Variants in LINGO2 observed in about 807,000 individuals in gnomAD.
LINGO2 encodes leucine-rich repeat and immunoglobulin-like domain-containing nogo receptor-interacting protein 2.
Under a neutral mutation model 30.6 loss-of-function variants are expected in LINGO2, and 14 were observed. The ratio of observed to expected loss-of-function variants is 0.46; its 90% CI spans 0.30 to 0.72. LINGO2 has a LOEUF of 0.72. Among genes scored for constraint, LINGO2 ranks in the 30% least tolerant of loss-of-function variants. LINGO2 has a pLI of 0.07. For missense variants in LINGO2, 729 were observed against 751.7 expected, an observed-to-expected ratio of 0.97 and a Z score of 0.35; for synonymous variants, 317 against 288.5, an observed-to-expected ratio of 1.10 and a Z score of -1.00.
At chr9:29,070,002 A>G in the LINGO2 span, among the ~76,000 whole-genome samples, 1 of 152,202 alleles carries the variant, frequency 6.6e-6, no homozygotes, top group Non-Finnish European at 1.5e-5. Flanking sequence ...AAAACCAGTC[A>G]TAGTTTTCAA....
the LINGO2 span, among the ~76,000 whole-genome samples, chr9:29,135,314 C>T: frequency 9.6e-3 from 1,468 of 152,180 alleles, 17 homozygotes; most frequent in Non-Finnish European, 0.014. Flanking sequence ...AATCCCAGCA[C>T]TTTTGGAGGC....
At chr9:28,871,354 T>C in the LINGO2 span, among the ~76,000 whole-genome samples, 3 of 150,842 alleles carry the variant, frequency 2.0e-5, no homozygotes, top group Admixed American at 2.0e-4. Flanking sequence ...TATATGCATA[T>C]AGAAAACACT....
intron 1 of LINGO2, among the ~76,000 whole-genome samples, chr9:28,650,688 A>G (rs1291337687): frequency 1.3e-5 from 2 of 152,034 alleles, no homozygotes; most frequent in African/African-American, 2.4e-5. Flanking sequence ...CTTTCTACTT[A>G]TGTCTAATAA....
At chr9:28,237,122 G>GGGC (rs1821599245) in intron 4 of LINGO2, among the ~76,000 whole-genome samples, 1 of 139,396 alleles carries the variant, frequency 7.2e-6, no homozygotes, top group Non-Finnish European at 1.5e-5. Context: ...CAGTGCGGGG[G>GGGC]GGGGGTAAAG....
chr9:28,444,502 C>A (rs762058642), intron 2 of LINGO2, among the ~76,000 whole-genome samples: 4 of 152,242 alleles, frequency 2.6e-5, no homozygotes, highest in Non-Finnish European at 5.9e-5. Flanking sequence ...CACCACGCTG[C>A]AGGTGACATG....
chr9:28,586,761 G>GTCTTGTTTTTACCATGAATTTACACTCT (rs1824560579), intron 1 of LINGO2, among the ~76,000 whole-genome samples: 1 of 151,976 alleles, frequency 6.6e-6, no homozygotes, highest in East Asian at 1.9e-4. Context: ...GTTTCTCAAA[G>GTCTTGTTTTTACCATGAATTTACACTCT]GTGAGCAGGG....
chr9:28,234,762 T>G (rs1311170508), intron 4 of LINGO2, among the ~76,000 whole-genome samples: 1 of 152,304 alleles, frequency 6.6e-6, no homozygotes, highest in Middle Eastern at 3.4e-3. Flanking sequence ...TTTGAGGTTT[T>G]GGGACTCAGA....
At chr9:27,959,284 ATTAT>A (rs1346938273) in intron 5 of LINGO2, among the ~76,000 whole-genome samples, 1 of 151,870 alleles carries the variant, frequency 6.6e-6, no homozygotes, top group African/African-American at 2.4e-5. Context: ...TCTTATCCTT[ATTAT>A]TTGACTATTT....
chr9:28,761,617 C>A, the LINGO2 span, among the ~76,000 whole-genome samples: 13 of 151,754 alleles, frequency 8.6e-5, no homozygotes, highest in East Asian at 1.7e-3. Flanking sequence ...TTAATATGAT[C>A]AAAATAAAAT....
intron 1 of LINGO2, among the ~76,000 whole-genome samples, chr9:28,538,959 A>T (rs923460534): frequency 2.6e-5 from 4 of 152,088 alleles, no homozygotes; most frequent in South Asian, 4.1e-4. Context: ...TAAAATAAAA[A>T]AATCCATATA....
chr9:29,161,395 G>A, the LINGO2 span, among the ~76,000 whole-genome samples: 40 of 152,308 alleles, frequency 2.6e-4, no homozygotes, highest in African/African-American at 9.6e-4. Context: ...AGCAGGCATA[G>A]TCATAGCCCT....
At chr9:28,341,925 T>G (rs1825779415) in intron 3 of LINGO2, among the ~76,000 whole-genome samples, 1 of 152,120 alleles carries the variant, frequency 6.6e-6, no homozygotes, top group African/African-American at 2.4e-5. Flanking sequence ...AATAACACAT[T>G]TACCACCTTC....
At chr9:29,058,851 T>C in the LINGO2 span, among the ~76,000 whole-genome samples, 1 of 151,840 alleles carries the variant, frequency 6.6e-6, no homozygotes, top group African/African-American at 2.4e-5. Flanking sequence ...TAAAAATAGG[T>C]CGTTACATTT....
intron 5 of LINGO2, among the ~76,000 whole-genome samples, chr9:28,006,442 C>T (rs1355232718): frequency 6.6e-6 from 1 of 152,066 alleles, no homozygotes; most frequent in Non-Finnish European, 1.5e-5. Context: ...AGCTTGTATT[C>T]AGCCACTGAG....
rs1821837453 is a variant in LINGO2, at chr9:27,999,455, AG to A, written c.-36+12899del. Among the ~76,000 whole-genome samples the A allele has an allele frequency of 7.2e-5, 11 of 151,742 alleles. 1 individual carries two copies. Among genetic ancestry groups the A allele is most frequent in the Admixed American group, 7.2e-4 (11 of 15,212 alleles). On this transcript the variant is annotated intron_variant, in intron 5 of 5. Transcript: ENST00000379992. ...AATCTTCAGAGAGAGAGAGAGAGAGAGAGAGAGAGAGAGAGAGTCTGTGTGA... is the reference window on the plus strand; with the variant it reads ...AATCTTCAGAGAGAGAGAGAGAGAGAAGAGAGAGAGAGAGAGTCTGTGTGA...
At chr9:29,062,679 G>A in the LINGO2 span, among the ~76,000 whole-genome samples, 47 of 152,216 alleles carry the variant, frequency 3.1e-4, no homozygotes, top group Admixed American at 5.9e-4. Flanking sequence ...AGGGAGTAAA[G>A]AGAATGAAAT....
chr9:27,981,534 C>CCAAA (rs1554648991), intron 5 of LINGO2, among the ~76,000 whole-genome samples: 11 of 39,874 alleles, frequency 2.8e-4, no homozygotes, highest in African/African-American at 9.3e-4. Flanking sequence ...ACGAGGATGG[C>CCAAA]AAAAAAAAAA....
chr9:28,495,858 G>A (rs1219819855), intron 1 of LINGO2, among the ~76,000 whole-genome samples: 1 of 152,108 alleles, frequency 6.6e-6, no homozygotes, highest in Non-Finnish European at 1.5e-5. Flanking sequence ...GGTATATTGT[G>A]TCTTTGTTCT....
chr9:29,087,992 C>A, the LINGO2 span, among the ~76,000 whole-genome samples: 6 of 151,950 alleles, frequency 3.9e-5, no homozygotes, highest in South Asian at 2.1e-4. Context: ...GAATAAAAGA[C>A]CTTTTAAATA....
Sources: allele counts gnomAD v4.1 joint callset (sites outside exome capture counted in the v4.1 genomes callset), GRCh38; gene constraint gnomAD v4.1.1; transcripts MANE v1.5; gene names NCBI Gene and HGNC (gene_info 2026-07-23, HGNC 2026-07-21).